Variants in NALF1 observed in about 807,000 individuals in gnomAD.
NALF1 encodes the protein NALCN channel auxiliary factor 1, also known as family with sequence similarity 155 member A.
Under a neutral mutation model 48.4 loss-of-function variants are expected in NALF1, and 3 were observed. That is an observed-to-expected ratio of 0.06 (90% confidence interval 0.03 to 0.16). The LOEUF (loss-of-function observed/expected upper bound fraction) is 0.16, where lower values mean the gene tolerates loss of function less well. Among genes scored for constraint, NALF1 ranks in the 10% least tolerant of loss-of-function variants. NALF1 has a pLI of 1.00. For synonymous variants in NALF1, 262 were observed against 245.7 expected (o/e 1.07, Z -0.62); for missense variants, 526 against 571.5 (o/e 0.92, Z 0.81).
intron 1 of NALF1, among the ~76,000 whole-genome samples, chr13:107,819,849 C>T (rs550729558): frequency 4.0e-5 from 6 of 151,760 alleles, no homozygotes; most frequent in South Asian, 4.2e-4. Context: ...ATAATCTGTA[C>T]CTTGTAGTAG....
At chr13:107,559,293 T>C (rs369755912) in intron 1 of NALF1, among the ~76,000 whole-genome samples, 17 of 152,270 alleles carry the variant, frequency 1.1e-4, no homozygotes, top group African/African-American at 3.8e-4. Flanking sequence ...GGAGTGAATC[T>C]TTCATTGCTC....
chr13:107,768,230 C>A (rs1339249131), intron 1 of NALF1, among the ~76,000 whole-genome samples: 2 of 152,142 alleles, frequency 1.3e-5, no homozygotes, highest in Non-Finnish European at 2.9e-5. Flanking sequence ...CAGTATCTGG[C>A]ACAAAATAAG....
At chr13:107,200,448 G>C (rs141065544) in intron 2 of NALF1, among the ~76,000 whole-genome samples, 1 of 152,152 alleles carries the variant, frequency 6.6e-6, no homozygotes, top group East Asian at 1.9e-4. Context: ...GACTTCGAGC[G>C]AGGGGCATGA....
At chr13:107,838,228 A>C (rs1049600411) in intron 1 of NALF1, among the ~76,000 whole-genome samples, 11 of 152,088 alleles carry the variant, frequency 7.2e-5, no homozygotes, top group Non-Finnish European at 1.6e-4. Context: ...CATCATCGGC[A>C]CCTGGGGGAT....
chr13:107,294,785 C>A lies in NALF1; in HGVS notation c.916-84030G>T, dbSNP rs574708906. Among the ~76,000 whole-genome samples, 17 of 152,278 alleles carry A rather than the reference C, an allele frequency of 1.1e-4. No individual in the cohort carries two copies. The South Asian group carries it at 2.7e-3, about 24-fold the overall frequency. ...CCAAGCTTCTCATTGTTTCTTTAGACTGTATCTCAGTAAACCTAACTTCCT... is the reference window on the plus strand; with the variant it reads ...CCAAGCTTCTCATTGTTTCTTTAGAATGTATCTCAGTAAACCTAACTTCCT... On this transcript the variant is annotated intron_variant, in intron 1 of 2. Transcript: ENST00000375915.
chr13:107,379,601 G>A (rs1301791466), intron 1 of NALF1, among the ~76,000 whole-genome samples: 1 of 152,098 alleles, frequency 6.6e-6, no homozygotes, highest in East Asian at 1.9e-4. Flanking sequence ...CCTTCTCAGG[G>A]AATGTTGCTA....
chr13:107,616,003 G>A (rs563671504), intron 1 of NALF1, among the ~76,000 whole-genome samples: 2 of 152,142 alleles, frequency 1.3e-5, no homozygotes, highest in Admixed American at 1.3e-4. Flanking sequence ...GGACTGGTTT[G>A]AGAATTAAAT....
chr13:107,742,635 T>C (rs1414627616), intron 1 of NALF1, among the ~76,000 whole-genome samples: 1 of 152,222 alleles, frequency 6.6e-6, no homozygotes, highest in East Asian at 1.9e-4. Context: ...CTCTTTACTT[T>C]ATAAATTACC....
intron 2 of NALF1, among the ~76,000 whole-genome samples, chr13:107,179,460 A>G (rs1566442878): frequency 6.6e-6 from 1 of 152,120 alleles, no homozygotes; most frequent in Non-Finnish European, 1.5e-5. Flanking sequence ...TTAATACAAC[A>G]GGGTAACTAC....
At chr13:107,420,852 T>C (rs941161526) in intron 1 of NALF1, among the ~76,000 whole-genome samples, 8 of 152,228 alleles carry the variant, frequency 5.3e-5, no homozygotes, top group African/African-American at 1.9e-4. Flanking sequence ...CTTTCGTTTT[T>C]GTGTGCCTTC....
intron 1 of NALF1, among the ~76,000 whole-genome samples, chr13:107,530,082 C>G (rs1270418737): frequency 6.6e-6 from 1 of 152,000 alleles, no homozygotes; most frequent in Non-Finnish European, 1.5e-5. Flanking sequence ...ATATGGGCTC[C>G]CTTAGCTCCA....
chr13:107,796,685 C>T (rs1030425997), intron 1 of NALF1, among the ~76,000 whole-genome samples: 2 of 152,082 alleles, frequency 1.3e-5, no homozygotes, highest in African/African-American at 4.8e-5. Flanking sequence ...CCTCCTTCAC[C>T]AATCATAAAA....
At chr13:107,295,747 G>A (rs1006241219) in intron 1 of NALF1, among the ~76,000 whole-genome samples, 3 of 152,176 alleles carry the variant, frequency 2.0e-5, no homozygotes. Flanking sequence ...TTGAACTAAA[G>A]TAATGATATT....
At chr13:107,262,769 G>GCGTGCGCTCTCTCT (rs36027059) in intron 1 of NALF1, among the ~76,000 whole-genome samples, 1 of 144,036 alleles carries the variant, frequency 6.9e-6, no homozygotes, top group East Asian at 2.1e-4. Context: ...ACCCACAGGC[G>GCGTGCGCTCTCTCT]CTCTCTCTCT....
chr13:107,561,524 T>C (rs554191976), intron 1 of NALF1, among the ~76,000 whole-genome samples: 3 of 152,198 alleles, frequency 2.0e-5, no homozygotes, highest in Non-Finnish European at 4.4e-5. Flanking sequence ...CCATCAGCAA[T>C]GGTAATTCTG....
intron 1 of NALF1, among the ~76,000 whole-genome samples, chr13:107,702,998 G>A (rs144486785): frequency 3.2e-4 from 49 of 152,206 alleles, no homozygotes; most frequent in African/African-American, 1.0e-3. Context: ...ACAGTGCTGC[G>A]ATGAACATAT....
intron 1 of NALF1, among the ~76,000 whole-genome samples, chr13:107,348,029 A>G (rs1175765211): frequency 1.3e-5 from 2 of 152,204 alleles, no homozygotes; most frequent in Admixed American, 1.3e-4. Context: ...GACCCCATGG[A>G]CGTTTTCCCC....
At chr13:107,776,506 A>C (rs1347586772) in intron 1 of NALF1, among the ~76,000 whole-genome samples, 1 of 152,198 alleles carries the variant, frequency 6.6e-6, no homozygotes, top group African/African-American at 2.4e-5. Context: ...GAACACTATC[A>C]CTAAACAAGA....
At chr13:107,693,606 T>C (rs535347356) in intron 1 of NALF1, among the ~76,000 whole-genome samples, 1 of 151,872 alleles carries the variant, frequency 6.6e-6, no homozygotes, top group Non-Finnish European at 1.5e-5. Context: ...CATTTTTCTT[T>C]TTTTTTTTTT....
Sources: allele counts gnomAD v4.1 joint callset (sites outside exome capture counted in the v4.1 genomes callset), GRCh38; gene constraint gnomAD v4.1.1; transcripts MANE v1.5; gene names NCBI Gene and HGNC (gene_info 2026-07-23, HGNC 2026-07-21).